Variants in SDHC observed in about 807,000 individuals in gnomAD.
SDHC encodes the protein succinate dehydrogenase cytochrome b560 subunit, mitochondrial.
SDHC carries 11 observed loss-of-function variants against 22.6 expected under a neutral mutation model. The ratio of observed to expected loss-of-function variants is 0.49; its 90% confidence interval spans 0.31 to 0.81. The LOEUF (loss-of-function observed/expected upper bound fraction) is 0.81, where lower values mean the gene tolerates loss of function less well. SDHC is among the 30% of genes least tolerant of loss of function. The pLI, the probability that SDHC is intolerant of heterozygous loss-of-function variation, is 0.05. For missense variants in SDHC, 160 were observed against 212.0 expected (o/e 0.75, Z 1.52); for synonymous variants, 80 against 77.8 (o/e 1.03, Z -0.15).
intron 1 of SDHC, among the ~76,000 whole-genome samples, chr1:161,322,163 C>T (rs1046392257): frequency 6.6e-5 from 10 of 152,124 alleles, no homozygotes; most frequent in Non-Finnish European, 1.0e-4. Flanking sequence ...TTTTGAGCAT[C>T]ATGTCAGCAC....
At chr1:161,320,396 G>C (rs1218144262) in intron 1 of SDHC, among the ~76,000 whole-genome samples, 1 of 151,936 alleles carries the variant, frequency 6.6e-6, no homozygotes, top group Non-Finnish European at 1.5e-5. Flanking sequence ...AAACTTTTTG[G>C]TATACCATCA....
intron 3 of SDHC, among the ~76,000 whole-genome samples, chr1:161,329,959 C>T (rs942488385): frequency 1.3e-5 from 2 of 152,160 alleles, no homozygotes; most frequent in African/African-American, 4.8e-5. Context: ...TATATTTAGA[C>T]CTCCCCAAAT....
At chr1:161,350,053 G>C (rs1338184896) in intron 4 of SDHC, among the ~76,000 whole-genome samples, 1 of 152,100 alleles carries the variant, frequency 6.6e-6, no homozygotes, top group Non-Finnish European at 1.5e-5. Flanking sequence ...TAGGATTACA[G>C]GCACGCGTCA....
At chr1:161,339,349 A>AT (rs112525066) in intron 3 of SDHC, among the ~76,000 whole-genome samples, 40,876 of 137,280 alleles carry the variant, frequency 0.3, 6,292 homozygotes, top group African/African-American at 0.34. Flanking sequence ...CACCCAGCTA[A>AT]TTTTTTTTTT....
In SDHC at chr1:161,328,438, G is replaced by T. The variant is rs36097930; in HGVS notation, c.120G>T (p.Arg40=). 1 of 1,613,884 alleles carries T rather than the reference G, an allele frequency of 6.2e-7. No homozygotes were observed. Among genetic ancestry groups the T allele is most frequent in the African/African-American group, 1.3e-5 (1 of 75,028 alleles). The change falls in exon 3 of 6, where the codon CGG becomes CGT. Residue 40 remains arginine, a synonymous_variant. Coordinates refer to ENST00000367975, the MANE Select transcript of SDHC (RefSeq NM_003001.5). ...CCACGGCCAAAGAAGAGATGGAGCG[G>T]TTCTGGAATAAGAATATAGGTTCAA... ...LGTTAKEEME[R]FWNKNIGSNR...
intron 1 of SDHC, among the ~76,000 whole-genome samples, chr1:161,323,230 C>A (rs1035776917): frequency 1.3e-4 from 19 of 151,916 alleles, no homozygotes; most frequent in African/African-American, 4.6e-4. Context: ...GATCTCCTGA[C>A]CTTGTGATCC....
intron 4 of SDHC, among the ~76,000 whole-genome samples, chr1:161,347,457 A>G (rs987572732): frequency 1.3e-5 from 2 of 151,720 alleles, no homozygotes; most frequent in African/African-American, 4.8e-5. Flanking sequence ...GGGTTTCAAC[A>G]TCTTGGCCAG....
chr1:161,342,267 C>A (rs956596767), intron 4 of SDHC, among the ~76,000 whole-genome samples: 1 of 152,092 alleles, frequency 6.6e-6, no homozygotes. Flanking sequence ...TCTCTCCCAG[C>A]GAAGGTGATC....
intron 3 of SDHC, 62 bp downstream of exon 3, chr1:161,328,559 T>G (rs1031717375): frequency 8.5e-7 from 1 of 1,179,608 alleles, no homozygotes; most frequent in Non-Finnish European, 1.3e-6. Context: ...TGAAGGTTGA[T>G]CTTTAGCCTA....
At chr1:161,355,375 A>G (rs1166075057) in intron 4 of SDHC, among the ~76,000 whole-genome samples, 1 of 152,146 alleles carries the variant, frequency 6.6e-6, no homozygotes, top group East Asian at 1.9e-4. Flanking sequence ...ATGATTTGCA[A>G]ATATTTTCTC....
chr1:161,359,366 G>T (rs1044128336), intron 5 of SDHC, among the ~76,000 whole-genome samples: 2 of 152,184 alleles, frequency 1.3e-5, no homozygotes, highest in Middle Eastern at 3.2e-3. Flanking sequence ...TTAAGTGTCT[G>T]TATCAACTGT....
intron 4 of SDHC, among the ~76,000 whole-genome samples, chr1:161,348,624 C>T (rs1048688661): frequency 6.9e-6 from 1 of 143,942 alleles, no homozygotes; most frequent in Non-Finnish European, 1.5e-5. Context: ...AGTTTGAGAC[C>T]AGCCTGGCCA....
intron 4 of SDHC, among the ~76,000 whole-genome samples, chr1:161,356,475 G>T (rs1179853172): frequency 6.6e-6 from 1 of 152,130 alleles, no homozygotes; most frequent in Non-Finnish European, 1.5e-5. Context: ...GGAGGTGGAG[G>T]TTGCAGTGAG....
chr1:161,326,157 G>A (rs954882643), intron 2 of SDHC, among the ~76,000 whole-genome samples: 3 of 151,388 alleles, frequency 2.0e-5, no homozygotes, highest in African/African-American at 4.9e-5. Flanking sequence ...AGCCGAGATC[G>A]CACCACTGCA....
intron 1 of SDHC, among the ~76,000 whole-genome samples, chr1:161,317,163 A>G (rs560162542): frequency 5.0e-4 from 76 of 151,734 alleles, no homozygotes; most frequent in African/African-American, 1.8e-3. Context: ...GGATTACAGC[A>G]GGGGTCTGCC....
chr1:161,346,899 C>T (rs943639554), intron 4 of SDHC, among the ~76,000 whole-genome samples: 10 of 152,056 alleles, frequency 6.6e-5, no homozygotes, highest in Admixed American at 5.9e-4. Context: ...CTCTAGATTA[C>T]TTATAATACC....
intron 3 of SDHC, among the ~76,000 whole-genome samples, chr1:161,332,631 T>C (rs931819899): frequency 7.1e-6 from 1 of 140,930 alleles, no homozygotes; most frequent in African/African-American, 2.5e-5. Flanking sequence ...ATTTTCTTTT[T>C]CTTTCTTTTT....
chr1:161,344,131 AC>A lies in SDHC; in HGVS notation c.241+3477del, dbSNP rs528001133. ...GAAACCCCGTCTCTACTAAAAAAATACAAAAAAAAATAGCCGGGCATGGTGG... is the reference window on the plus strand; with the variant it reads ...GAAACCCCGTCTCTACTAAAAAAATAAAAAAAAAATAGCCGGGCATGGTGG... On this transcript the variant is annotated intron_variant, in intron 4 of 5. Transcript: ENST00000367975. 3.2e-4 allele frequency among the ~76,000 whole-genome samples: 49 copies of A among 151,666 alleles called. No homozygotes were observed. The South Asian group carries it at 8.8e-3, about 27-fold the overall frequency.
chr1:161,345,744 C>T (rs1415533155), intron 4 of SDHC, among the ~76,000 whole-genome samples: 7 of 152,166 alleles, frequency 4.6e-5, no homozygotes, highest in African/African-American at 1.7e-4. Context: ...GCTTGAGCCA[C>T]TGCGCCTGGC....
Sources: allele counts gnomAD v4.1 joint callset (sites outside exome capture counted in the v4.1 genomes callset), GRCh38; gene constraint gnomAD v4.1.1; transcripts MANE v1.5; gene names NCBI Gene and HGNC (gene_info 2026-07-23, HGNC 2026-07-21).